Variants in ADAMTS2 observed in about 807,000 individuals in gnomAD.
ADAMTS2 encodes A disintegrin and metalloproteinase with thrombospondin motifs 2.
Under a neutral mutation model 123.0 loss-of-function variants are expected in ADAMTS2, and 50 were observed. The observed-to-expected ratio is 0.41, with a 90% CI of 0.32 to 0.51. ADAMTS2 has a LOEUF of 0.51. Among genes scored for constraint, ADAMTS2 ranks in the 20% least tolerant of loss-of-function variants. The probability of loss-of-function intolerance (pLI) is 0.35; values close to 1 mark genes in which losing one functional copy is unlikely to be tolerated. For missense variants in ADAMTS2, 1,494 were observed against 1,705.2 expected (o/e 0.88, Z 2.18); for synonymous variants, 678 against 695.4 (o/e 0.98, Z 0.39).
In ADAMTS2 at chr5:179,111,248, C is replaced by T. The variant is rs780742729; in HGVS notation, c.*2619G>A. 2 of 152,164 alleles carry T rather than the reference C, an allele frequency of 1.3e-5. No homozygotes were observed. The highest frequency in any genetic ancestry group is 1.5e-5 in the Non-Finnish European group (1 of 68,038). 9.4% of individuals were successfully genotyped at this position (152,164 alleles called of 1,614,324 possible). A position where few individuals can be genotyped will look rare whatever the true frequency, so the allele number is the denominator to read the frequency against. On this transcript the variant is annotated 3_prime_UTR_variant, in exon 22 of 22. Coordinates refer to ENST00000251582, the MANE Select transcript of ADAMTS2 (RefSeq NM_014244.5). ...CACTGTTGCAGATTTTCTAGTGCAG[C>T]GGAAGGTCTGAGTCTCATCATGCGG...
intron 4 of ADAMTS2, among the ~76,000 whole-genome samples, chr5:179,204,401 TA>T (rs761409739): frequency 6.6e-6 from 1 of 152,204 alleles, no homozygotes; most frequent in Non-Finnish European, 1.5e-5. Context: ...TTGGAACAAA[TA>T]AGAAGTTAAA....
intron 5 of ADAMTS2, among the ~76,000 whole-genome samples, chr5:179,171,482 A>G (rs1403147962): frequency 6.6e-6 from 1 of 152,138 alleles, no homozygotes; most frequent in Admixed American, 6.5e-5. Context: ...AGCAACGAGG[A>G]CTCATAGCCT....
In ADAMTS2 at chr5:179,307,657, C is replaced by G. The variant is rs1756718048; in HGVS notation, c.535-34593G>C. Among the ~76,000 whole-genome samples the G allele has an allele frequency of 6.6e-6, 1 of 152,196 alleles. No individual in the cohort carries two copies. ...TGACTGCCCCGGTCCCCGCTGATTT[C>G]TCCTTCACTCAAGTGCCAGCCGTGG... is the stretch of plus-strand genomic sequence containing the variant. On this transcript the variant is annotated intron_variant, in intron 2 of 21. Coordinates refer to ENST00000251582, the MANE Select transcript of ADAMTS2 (RefSeq NM_014244.5). This position sits in a 1 kb window ranked among gnomAD's most constrained non-coding sequence, Gnocchi z 5.6.
At chr5:179,121,994 T>C in intron 20 of ADAMTS2, 2 of 367,760 alleles carry the variant, frequency 5.4e-6, no homozygotes, top group Non-Finnish European at 9.7e-6. Flanking sequence ...ATGCAGGCCC[T>C]GCCGCCTCCT....
At chr5:179,341,997 C>A (rs1757787827) in intron 2 of ADAMTS2, among the ~76,000 whole-genome samples, 2 of 152,162 alleles carry the variant, frequency 1.3e-5, no homozygotes, top group African/African-American at 2.4e-5. Flanking sequence ...TTCAAACAGC[C>A]CCCCAGGAGC....
At chr5:179,193,363 G>A (rs1015714886) in intron 4 of ADAMTS2, among the ~76,000 whole-genome samples, 3 of 152,174 alleles carry the variant, frequency 2.0e-5, no homozygotes, top group Admixed American at 1.3e-4. Context: ...CACACCCTGC[G>A]AGTGAGTGTT....
At position 179,181,199 on chromosome 5, in the gene ADAMTS2, G is replaced by C. The variant is rs772633277; in HGVS notation, c.892-44C>G. ...CATCAGCGGGAACCACAGGCCCTAG[G>C]ACTGGCTCTGGCTCTGCCAATGGGA... On this transcript the variant is annotated intron_variant, in intron 4 of 21. Transcript: ENST00000251582. The surrounding 1 kb of genome is among the most constrained non-coding windows in gnomAD (Gnocchi z 4.1). The C allele has an allele frequency of 1.1e-5, 16 of 1,435,838 alleles. No individual in the cohort carries two copies. Among genetic ancestry groups the C allele is most frequent in the Admixed American group, 1.0e-4 (6 of 59,730 alleles). 88.9% of individuals were successfully genotyped at this position (1,435,838 alleles called of 1,614,324 possible).
intron 3 of ADAMTS2, among the ~76,000 whole-genome samples, chr5:179,264,771 A>G (rs1245106622): frequency 6.6e-6 from 1 of 152,180 alleles, no homozygotes; most frequent in Non-Finnish European, 1.5e-5. Context: ...CCCCTGTGCC[A>G]CTGCACCCAG....
At chr5:179,206,595 C>T (rs1404315161) in intron 4 of ADAMTS2, among the ~76,000 whole-genome samples, 3 of 152,218 alleles carry the variant, frequency 2.0e-5, no homozygotes, top group Non-Finnish European at 2.9e-5. Flanking sequence ...CAGCATCTCA[C>T]ATTCCAGGCC....
Position 179,132,172 on chromosome 5 carries a change from A to G in ADAMTS2, c.2290+58T>C. ...ACCCCTGACCCCTGGCACTCTGCCC[A>G]TTGATCCCAGAGGAGCCAGGTCCTG... On this transcript the variant is annotated intron_variant, in intron 15 of 21. Coordinates refer to ENST00000251582, the MANE Select transcript of ADAMTS2 (RefSeq NM_014244.5). The surrounding 1 kb of genome is among the most constrained non-coding windows in gnomAD (Gnocchi z 6.1). The G allele has an allele frequency of 6.4e-7, 1 of 1,559,238 alleles. No homozygotes were observed.
intron 2 of ADAMTS2, among the ~76,000 whole-genome samples, chr5:179,296,911 G>A (rs957076196): frequency 6.6e-6 from 1 of 152,314 alleles, no homozygotes; most frequent in Non-Finnish European, 1.5e-5. Context: ...AAGGCATGCC[G>A]TCTGTAACAC....
chr5:179,338,011 T>C (rs1316933293), intron 2 of ADAMTS2, among the ~76,000 whole-genome samples: 1 of 152,068 alleles, frequency 6.6e-6, no homozygotes, highest in Non-Finnish European at 1.5e-5. Context: ...ACTGGAGACA[T>C]GGGGGACAGG....
At chr5:179,258,299 G>C (rs986317476) in intron 3 of ADAMTS2, among the ~76,000 whole-genome samples, 1 of 150,842 alleles carries the variant, frequency 6.6e-6, no homozygotes, top group African/African-American at 2.5e-5. Flanking sequence ...AATGTGTACT[G>C]AACTCCTCGT....
intron 3 of ADAMTS2, among the ~76,000 whole-genome samples, chr5:179,218,137 C>A (rs1289981834): frequency 6.6e-6 from 1 of 152,222 alleles, no homozygotes; most frequent in Non-Finnish European, 1.5e-5. Context: ...TGGCAAATGG[C>A]CAGGCCAGAA....
intron 10 of ADAMTS2, among the ~76,000 whole-genome samples, chr5:179,149,630 G>A (rs3756566): frequency 0.6 from 91,922 of 152,116 alleles, 27,965 homozygotes; most frequent in South Asian, 0.65. Context: ...GGGTCCTTGC[G>A]GGAAAGGGTG....
At chr5:179,299,971 G>A (rs1489815554) in intron 2 of ADAMTS2, among the ~76,000 whole-genome samples, 2 of 151,854 alleles carry the variant, frequency 1.3e-5, no homozygotes, top group Non-Finnish European at 1.5e-5. Flanking sequence ...GCAGGCGCCT[G>A]TAGTCCCAGC....
rs909779366 is a variant in ADAMTS2, at chr5:179,272,954, T to C, written c.645A>G (p.Pro215=). Residue 215 remains proline (P), a synonymous_variant, in exon 3 of 22, where the codon CCA becomes CCG. Coordinates refer to ENST00000251582, the MANE Select transcript of ADAMTS2 (RefSeq NM_014244.5). The surrounding 1 kb of genome is among the most constrained non-coding windows in gnomAD (Gnocchi z 5.8). The part of the protein sequence containing the change: ...QGRVHVVYRR[P]PTSPPLGGPQ... ...GCCCCCCGAGAGGAGGGGACGTGGG[T>C]GGCCGGCGATACACCACATGCACAC... The C allele has an allele frequency of 1.2e-6, 2 of 1,611,086 alleles. No homozygotes were observed. The highest frequency in any genetic ancestry group is 2.7e-5 in the African/African-American group (2 of 74,476).
intron 5 of ADAMTS2, among the ~76,000 whole-genome samples, chr5:179,172,137 C>T (rs34540364): frequency 0.12 from 17,925 of 152,292 alleles, 1,434 homozygotes; most frequent in Middle Eastern, 0.28. Flanking sequence ...CTCAGTTCAC[C>T]TATGTCCTCT....
In ADAMTS2 at chr5:179,115,935, C is replaced by A. The variant is rs900829014; in HGVS notation, c.3179-1611G>T. ...GACCACCAGCTCCAAACCCCTGAAG[C>A]TTCAGACTTGCTACAAGCCAAATCC... On this transcript the variant is annotated intron_variant, in intron 21 of 21. Transcript: ENST00000251582. The surrounding 1 kb of genome is among the most constrained non-coding windows in gnomAD (Gnocchi z 4.4). Among the ~76,000 whole-genome samples, 6 of 152,102 alleles carry A rather than the reference C, an allele frequency of 3.9e-5. No individual in the cohort carries two copies. Among genetic ancestry groups the A allele is most frequent in the Non-Finnish European group, 5.9e-5 (4 of 68,032 alleles).
Sources: gnomAD v4.1 joint callset for allele counts (sites outside exome capture counted in the v4.1 genomes callset) on GRCh38, gnomAD v4.1.1 for gene constraint, Gnocchi (gnomAD v3.1) non-coding constraint, MANE v1.5 for transcripts, NCBI Gene and HGNC (gene_info 2026-07-23, HGNC 2026-07-21) for gene names.